The following ZNF850 variants were observed in gnomAD, a reference collection of about 807,000 sequenced individuals.
The protein encoded by ZNF850 is zinc finger protein 850.
ZNF850 carries 2 observed loss-of-function variants against 11.9 expected under a neutral mutation model. That is an observed-to-expected ratio of 0.17 (90% CI 0.07 to 0.53). The LOEUF is 0.53. Ranked by LOEUF, ZNF850 falls within the 20% of genes least tolerant of loss-of-function variation. The pLI is 0.94. For synonymous variants in ZNF850, 381 were observed against 443.0 expected (o/e 0.86, Z 1.76); for missense variants, 1,014 against 1,316.4 (o/e 0.77, Z 3.55).
At chr19:36,764,390 A>C (rs2145967332) in intron 1 of ZNF850, among the ~76,000 whole-genome samples, 1 of 152,334 alleles carries the variant, frequency 6.6e-6, no homozygotes, top group South Asian at 2.1e-4. Context: ...ACACTTGAGC[A>C]TTAGGCTGTG....
chr19:36,747,798 G>C lies in ZNF850; in HGVS notation c.3242C>G (p.Thr1081Ser), dbSNP rs1374680885. 6.5e-7 allele frequency: 1 copy of C among 1,542,072 alleles called. No individual in the cohort carries two copies. The highest frequency in any genetic ancestry group is 8.7e-7 in the Non-Finnish European group (1 of 1,148,800). ...GKAFKQLTQL[T>S]RHQRIHDLT ...TAGGTCATGAATTCTCTGATGTCGA[G>C]TAAGCTGTGTAAGCTGTTTAAAGGC... is the stretch of plus-strand genomic sequence containing the variant. Residue 1081 changes from threonine (T) to serine (S), a missense_variant, in exon 5 of 5, where the codon ACT (threonine) becomes AGT (serine). Physicochemically the swap from Thr to Ser is moderately conservative, Grantham distance 58 (BLOSUM62 1). This residue lies in a region of ZNF850 where 179 missense variants were observed against 294.4 expected (regional missense o/e 0.61). Transcript: ENST00000591344.
At chr19:36,761,873 C>G (rs1246873160) in intron 3 of ZNF850, 135 bp from the exon 4 acceptor site, 1 of 557,756 alleles carries the variant, frequency 1.8e-6, no homozygotes, top group Non-Finnish European at 3.2e-6. Flanking sequence ...TGGTGAAACC[C>G]TGTCTCTACT....
Position 36,747,807 on chromosome 19 carries a change from G to A in ZNF850, c.3233C>T (p.Thr1078Ile), listed in dbSNP as rs2040421693. 2 of 1,560,858 alleles carry A rather than the reference G, an allele frequency of 1.3e-6. No homozygotes were observed. The highest frequency in any genetic ancestry group is 1.4e-5 in the African/African-American group (1 of 73,526). Residue 1078 changes from threonine to isoleucine, a missense_variant, in exon 5 of 5, where the codon ACA (threonine) becomes ATA (isoleucine). Coordinates refer to ENST00000591344, the MANE Select transcript of ZNF850 (RefSeq NM_001193552.2). ...KTCGKAFKQL[T>I]QLTRHQRIHD... ...AATTCTCTGATGTCGAGTAAGCTGT[G>A]TAAGCTGTTTAAAGGCCTTCCCACA...
chr19:36,759,449 T>C (rs2145963379), intron 4 of ZNF850, among the ~76,000 whole-genome samples: 1 of 152,212 alleles, frequency 6.6e-6, no homozygotes, highest in South Asian at 2.1e-4. Context: ...TACTCCAGCA[T>C]GGGCAACAGA....
At chr19:36,754,713 G>C (rs752406568) in intron 4 of ZNF850, among the ~76,000 whole-genome samples, 1 of 151,848 alleles carries the variant, frequency 6.6e-6, no homozygotes, top group Non-Finnish European at 1.5e-5. Flanking sequence ...CTGCCACCAC[G>C]CCCGGCTAAT....
At chr19:36,761,795 C>A in intron 3 of ZNF850, 57 bp from the exon 4 acceptor site, 1 of 1,118,428 alleles carries the variant, frequency 8.9e-7, no homozygotes, top group East Asian at 2.6e-5. Flanking sequence ...CCTATAATCC[C>A]AGCACTTTGG....
chr19:36,750,947 TC>T, intron 4 of ZNF850, 143 bp from the exon 5 acceptor site: 1 of 902,804 alleles, frequency 1.1e-6, no homozygotes, highest in Non-Finnish European at 1.6e-6. Flanking sequence ...ATGCCTGTAA[TC>T]CCAGCGCTTT....
intron 4 of ZNF850, among the ~76,000 whole-genome samples, chr19:36,755,411 C>T (rs1409851429): frequency 6.6e-6 from 1 of 152,026 alleles, no homozygotes; most frequent in East Asian, 1.9e-4. Flanking sequence ...ATTTTTAGTA[C>T]AGAAAGGGTT....
intron 4 of ZNF850, among the ~76,000 whole-genome samples, chr19:36,756,775 G>A (rs1258948049): frequency 6.6e-6 from 1 of 152,048 alleles, no homozygotes; most frequent in Non-Finnish European, 1.5e-5. Flanking sequence ...CACCACGCCT[G>A]GCTAATTTTT....
intron 1 of ZNF850, among the ~76,000 whole-genome samples, chr19:36,762,876 CTT>C (rs534837986): frequency 4.0e-5 from 6 of 150,678 alleles, no homozygotes; most frequent in East Asian, 1.9e-4. Context: ...TTTTTTTCCT[CTT>C]GTTTCATTTT....
chr19:36,770,831 G>A (rs1167935569), intron 1 of ZNF850, among the ~76,000 whole-genome samples: 2 of 148,612 alleles, frequency 1.3e-5, no homozygotes, highest in Admixed American at 6.8e-5. Flanking sequence ...TCACAGAACC[G>A]TATGAGTATT....
chr19:36,748,231 A>G lies in ZNF850; in HGVS notation c.2809T>C (p.Phe937Leu). ...CHECGKAFVR[F>L]SGLTKHHSIH... is the part of the protein sequence containing the mutation. ...CTGTGATGTTTGGTGAGTCCTGAGA[A>G]ACGGACAAAGGCTTTTCCACATTCA... is the stretch of plus-strand genomic sequence containing the variant. The change falls in exon 5 of 5, where the codon TTC becomes CTC. Residue 937 changes from phenylalanine to leucine, a missense_variant. By Grantham distance (22) the Phe-to-Leu change is conservative. Around this residue, in one of 2 missense-constraint regions of ZNF850, gnomAD observed 179 missense variants for 294.4 expected, o/e 0.61. Coordinates refer to ENST00000591344, the MANE Select transcript of ZNF850 (RefSeq NM_001193552.2). 6.4e-7 allele frequency: 1 copy of G among 1,551,214 alleles called. No homozygotes were observed. Among genetic ancestry groups the G allele is most frequent in the Non-Finnish European group, 8.7e-7 (1 of 1,151,570 alleles).
chr19:36,758,055 C>T (rs963484065), intron 4 of ZNF850, among the ~76,000 whole-genome samples: 9 of 152,172 alleles, frequency 5.9e-5, no homozygotes, highest in Non-Finnish European at 1.3e-4. Flanking sequence ...ATGTAGCTAG[C>T]GGCTACTGTA....
chr19:36,757,475 A>C (rs772078915), intron 4 of ZNF850, among the ~76,000 whole-genome samples: 14 of 151,874 alleles, frequency 9.2e-5, no homozygotes, highest in Middle Eastern at 6.8e-3. Context: ...GAAACATAAA[A>C]AGGAAGCACA....
At position 36,746,832 on chromosome 19, in the gene ZNF850, AAT is replaced by A. The variant is rs2040414105; in HGVS notation, c.*933_*934del. 1 of 152,154 alleles carries A rather than the reference AAT, an allele frequency of 6.6e-6. No homozygotes were observed. The highest frequency in any genetic ancestry group is 1.5e-5 in the Non-Finnish European group (1 of 68,042). The allele number at this position is 152,154 out of a possible 1,614,324, so 9.4% of individuals were successfully genotyped here. A position where few individuals can be genotyped will look rare whatever the true frequency, so the allele number is the denominator to read the frequency against. On this transcript the variant is annotated 3_prime_UTR_variant, in exon 5 of 5. Coordinates refer to ENST00000591344, the MANE Select transcript of ZNF850 (RefSeq NM_001193552.2). Reference sequence around the variant, plus strand: ...ACAAAGTCAGTAGTCAAACATGAAAAATATAGTCACACTTATTTATTATAAAA... The same window carrying A: ...ACAAAGTCAGTAGTCAAACATGAAAAATAGTCACACTTATTTATTATAAAA...
Position 36,748,725 on chromosome 19 carries a change from A to C in ZNF850, c.2315T>G (p.Leu772Arg), listed in dbSNP as rs1489621109. ...CGKSFTSHST[L>R]IQHQQIHTGE... ...AGTGTGTATTTGCTGATGTTGAATTAGTGTTGAGTGAGAAGTAAAAGATTT... is the reference window on the plus strand; with the variant it reads ...AGTGTGTATTTGCTGATGTTGAATTCGTGTTGAGTGAGAAGTAAAAGATTT... The change falls in exon 5 of 5, where the codon CTA becomes CGA. Residue 772 changes from leucine to arginine, a missense_variant. Coordinates refer to ENST00000591344, the MANE Select transcript of ZNF850 (RefSeq NM_001193552.2). The C allele has an allele frequency of 1.4e-5, 21 of 1,541,014 alleles. No homozygotes were observed. The highest frequency in any genetic ancestry group is 1.8e-5 in the Non-Finnish European group (21 of 1,148,412).
rs58851544 is a variant in ZNF850, at chr19:36,753,422, C to CAA, written c.236-2620_236-2619dup. 4.0e-3 allele frequency among the ~76,000 whole-genome samples: 188 copies of CAA among 46,608 alleles called. 25 individuals carry two copies. Among genetic ancestry groups the CAA allele is most frequent in the Non-Finnish European group, 5.7e-3 (145 of 25,356 alleles). The allele number at this position is 46,608 out of a possible 152,430, so 30.6% of individuals were successfully genotyped here. A position where few individuals can be genotyped will look rare whatever the true frequency, so the allele number is the denominator to read the frequency against. Reference sequence around the variant, plus strand: ...TGGGCAACAGCCTGGGACACTGTCTCAAAAAAAAAAAAAAAAAAAAAAAAG... The same window carrying CAA: ...TGGGCAACAGCCTGGGACACTGTCTCAAAAAAAAAAAAAAAAAAAAAAAAAAG... On this transcript the variant is annotated intron_variant, in intron 4 of 4. Transcript: ENST00000591344.
At chr19:36,763,111 A>C (rs1257436533) in intron 1 of ZNF850, among the ~76,000 whole-genome samples, 1 of 151,872 alleles carries the variant, frequency 6.6e-6, no homozygotes, top group East Asian at 1.9e-4. Flanking sequence ...GGCTGCTCTC[A>C]AACTCCTGGG....
At chr19:36,769,247 G>A (rs1174545145) in intron 1 of ZNF850, among the ~76,000 whole-genome samples, 5 of 126,904 alleles carry the variant, frequency 3.9e-5, no homozygotes, top group African/African-American at 1.5e-4. Context: ...GGGCAAGGCA[G>A]AGTAAGACTG....
Sources: allele counts gnomAD v4.1 joint callset (sites outside exome capture counted in the v4.1 genomes callset), GRCh38; gene constraint gnomAD v4.1.1; regional missense constraint gnomAD v4.1.1; transcripts MANE v1.5; gene names NCBI Gene and HGNC (gene_info 2026-07-23, HGNC 2026-07-21).